Variants in SPG11 observed in about 807,000 individuals in gnomAD.
SPG11 encodes the protein spatacsin.
In SPG11, 222 loss-of-function variants were observed where a neutral mutation model predicts 274.0. That is an observed-to-expected ratio of 0.81 (90% CI 0.73 to 0.91). The LOEUF (loss-of-function observed/expected upper bound fraction) is 0.91. SPG11 is among the 40% of genes least tolerant of loss of function. The pLI, the probability that SPG11 is intolerant of heterozygous loss-of-function variation, is 0.00. For synonymous variants in SPG11, 1,144 were observed against 1,039.7 expected, an observed-to-expected ratio of 1.10 and a Z score of -1.93; for missense variants, 3,114 against 2,872.7, an observed-to-expected ratio of 1.08 and a Z score of -1.92.
At chr15:44,571,069 C>T (rs2082413427) in intron 33 of SPG11, among the ~76,000 whole-genome samples, 1 of 152,156 alleles carries the variant, frequency 6.6e-6, no homozygotes, top group Admixed American at 6.6e-5. Context: ...GGTGTTCTGG[C>T]TTTCTAGAGT....
At chr15:44,610,784 A>G (rs2083439853) in intron 18 of SPG11, 56 bp downstream of exon 18, 9 of 1,472,774 alleles carry the variant, frequency 6.1e-6, no homozygotes, top group African/African-American at 1.4e-5. Flanking sequence ...CAATCCATAG[A>G]TAATTCTGCT....
In SPG11 at chr15:44,584,283, C is replaced by G. The variant is rs1466622120; in HGVS notation, c.5397G>C (p.Lys1799Asn). 1.2e-6 allele frequency: 2 copies of G among 1,613,468 alleles called. No homozygotes were observed. The highest frequency in any genetic ancestry group is 1.7e-6 in the Non-Finnish European group (2 of 1,179,518). ...GGGTGATGCGGCACAGCCAGATCTG[C>G]TTCTCCAGCTCCTCCAGCTTATCCA... ...VPLDKLEELE[K>N]QIWLCRITQH... Residue 1799 changes from lysine to asparagine, a missense_variant, in exon 30 of 40, where the codon AAG becomes AAC. Physicochemically the swap from Lys to Asn is moderately conservative, Grantham distance 94 (BLOSUM62 0). Transcript: ENST00000261866.
intron 3 of SPG11, 132 bp from the exon 4 acceptor site, chr15:44,657,428 G>A: frequency 1.3e-6 from 1 of 769,172 alleles, no homozygotes; most frequent in Non-Finnish European, 2.1e-6. Context: ...TGAAAACTGA[G>A]GCAAGCCCCC....
chr15:44,645,183 G>A (rs1458689892), intron 7 of SPG11, among the ~76,000 whole-genome samples: 1 of 152,114 alleles, frequency 6.6e-6, no homozygotes, highest in African/African-American at 2.4e-5. Flanking sequence ...AAGACCAATT[G>A]TAGCTGCAGA....
At chr15:44,566,401 C>T in intron 36 of SPG11, 96 bp from the exon 37 acceptor site, 1 of 1,230,536 alleles carries the variant, frequency 8.1e-7, no homozygotes, top group Non-Finnish European at 1.2e-6. Context: ...AGAAACATCC[C>T]AGCCATGTTC....
intron 30 of SPG11, among the ~76,000 whole-genome samples, chr15:44,576,813 T>A (rs1219824759): frequency 6.6e-6 from 1 of 152,058 alleles, no homozygotes; most frequent in Admixed American, 6.6e-5. Context: ...GGGAATTTTG[T>A]GGGAGTAGTG....
rs549436872 is a variant in SPG11 at position 44,598,836 on chromosome 15, C to T, written c.3687G>A (p.Leu1229=). The T allele has an allele frequency of 1.2e-6, 2 of 1,613,938 alleles. No individual in the cohort carries two copies. Among genetic ancestry groups the T allele is most frequent in the African/African-American group, 1.3e-5 (1 of 74,984 alleles). Reference sequence around the variant, plus strand: ...AGGCTTCATTGCCTACTTGCTGGATCCTGAAAAAGAAAGGAATCAAAATCA... The same window carrying T: ...AGGCTTCATTGCCTACTTGCTGGATTCTGAAAAAGAAAGGAATCAAAATCA... The part of the protein sequence containing the change: ...ELIKSKTPKQ[L]IQQVGNEAYV... The change falls in exon 22 of 40, where the codon CTG becomes CTA. Residue 1229 remains leucine (L), a splice_region_variant and synonymous_variant. Transcript: ENST00000261866.
intron 10 of SPG11, among the ~76,000 whole-genome samples, chr15:44,627,726 A>G (rs558037812): frequency 2.0e-5 from 3 of 152,048 alleles, no homozygotes; most frequent in Admixed American, 2.0e-4. Flanking sequence ...AGTAGCTGGG[A>G]TTACAGGCGC....
intron 21 of SPG11, among the ~76,000 whole-genome samples, chr15:44,599,862 T>C (rs1488463593): frequency 6.6e-6 from 1 of 152,272 alleles, no homozygotes; most frequent in East Asian, 1.9e-4. Flanking sequence ...TATAATTCCC[T>C]TTTTTTAAAG....
chr15:44,657,091 A>G lies in SPG11; in HGVS notation c.869+4T>C, dbSNP rs946090455. 1 of 1,613,502 alleles carries G rather than the reference A, an allele frequency of 6.2e-7. No individual in the cohort carries two copies. Among genetic ancestry groups the G allele is most frequent in the Non-Finnish European group, 8.5e-7 (1 of 1,179,616 alleles). On this transcript the variant is annotated splice_donor_region_variant and intron_variant, in intron 4 of 39. Coordinates refer to ENST00000261866, the MANE Select transcript of SPG11 (RefSeq NM_025137.4). ...CAAATTAGAAACTGCAGTCATCTACATACCTGAAATACAAATTTAAGTTAA... is the reference window on the plus strand; with the variant it reads ...CAAATTAGAAACTGCAGTCATCTACGTACCTGAAATACAAATTTAAGTTAA...
intron 2 of SPG11, 64 bp downstream of exon 2, chr15:44,660,368 G>T (rs1487369757): frequency 8.2e-6 from 12 of 1,468,584 alleles, no homozygotes; most frequent in Non-Finnish European, 8.5e-6. Context: ...TTTTCCTGAA[G>T]TATGTAACTA....
In SPG11 at chr15:44,608,536, TTAATGCCATCTTCAATAGCTGG is replaced by T; in HGVS notation, c.3339_3360del (p.Gln1114LeufsTer6). ...GCAGTTTTTAGCTTGGGGTAAGGAGTTAATGCCATCTTCAATAGCTGGGGATCCACTTTCTTCAAACAGTTTT... is the reference window on the plus strand; with the variant it reads ...GCAGTTTTTAGCTTGGGGTAAGGAGTGGATCCACTTTCTTCAAACAGTTTT... On this transcript the variant is annotated frameshift_variant, in exon 19 of 40. Coordinates refer to ENST00000261866, the MANE Select transcript of SPG11 (RefSeq NM_025137.4). LOFTEE classifies it high-confidence loss of function. 1 of 1,614,076 alleles carries T rather than the reference TTAATGCCATCTTCAATAGCTGG, an allele frequency of 6.2e-7. No individual in the cohort carries two copies.
chr15:44,653,680 T>C (rs969544536), intron 4 of SPG11, among the ~76,000 whole-genome samples: 2 of 152,180 alleles, frequency 1.3e-5, no homozygotes, highest in East Asian at 1.9e-4. Context: ...ACAGAAAGGG[T>C]AGGACCTGAT....
At chr15:44,659,392 A>G in intron 2 of SPG11, 89 bp from the exon 3 acceptor site, 2 of 1,205,036 alleles carry the variant, frequency 1.7e-6, no homozygotes, top group South Asian at 1.3e-5. Flanking sequence ...ACAAAAAAGT[A>G]AAACAAAAAA....
At chr15:44,589,572 G>C (rs1265469719) in intron 27 of SPG11, among the ~76,000 whole-genome samples, 158 bp from the exon 28 acceptor site, 1 of 152,214 alleles carries the variant, frequency 6.6e-6, no homozygotes, top group Non-Finnish European at 1.5e-5. Flanking sequence ...GCAGGAACTG[G>C]TAATGGGGCT....
chr15:44,576,593 G>A (rs1490272218), intron 30 of SPG11, among the ~76,000 whole-genome samples: 1 of 151,152 alleles, frequency 6.6e-6, no homozygotes, highest in Admixed American at 6.6e-5. Context: ...AGCTTGCAGT[G>A]AGTGGAGATT....
At chr15:44,629,437 A>G in intron 8 of SPG11, 49 bp from the exon 9 acceptor site, 1 of 1,550,836 alleles carries the variant, frequency 6.4e-7, no homozygotes, top group Non-Finnish European at 8.9e-7. Context: ...GGATACTCAC[A>G]ATAAAATTAA....
chr15:44,566,262 C>T lies in SPG11; in HGVS notation c.6798G>A (p.Leu2266=), dbSNP rs1414442001. The T allele has an allele frequency of 6.2e-7, 1 of 1,614,198 alleles. No individual in the cohort carries two copies. The highest frequency in any genetic ancestry group is 2.2e-5 in the East Asian group (1 of 44,880). The change falls in exon 37 of 40, where the codon CTG becomes CTA. Residue 2266 remains leucine, a synonymous_variant. Transcript: ENST00000261866. ...CATCCAACATCAGAGTCAGGGCCTT[C>T]AGCAGCAGTTGTTTCAGCTGGTGCC... ...KDGHQLKQLL[L]KALTLMLDAA...
chr15:44,605,987 GC>G (rs771986642), intron 20 of SPG11, 37 bp downstream of exon 20: 1 of 1,553,266 alleles, frequency 6.4e-7, no homozygotes, highest in Admixed American at 1.7e-5. Flanking sequence ...AGTTAACACT[GC>G]TAAAACATGT....
Sources: allele counts gnomAD v4.1 joint callset (sites outside exome capture counted in the v4.1 genomes callset), GRCh38; gene constraint gnomAD v4.1.1; transcripts MANE v1.5; gene names NCBI Gene and HGNC (gene_info 2026-07-23, HGNC 2026-07-21).